The following LIMD1 variants were observed in gnomAD, a reference collection of about 807,000 sequenced individuals.
LIMD1 encodes LIM domain containing 1.
LIMD1 carries 23 observed loss-of-function variants against 58.4 expected under a neutral mutation model. The ratio of observed to expected loss-of-function variants is 0.39; its 90% CI spans 0.28 to 0.56. The LOEUF (loss-of-function observed/expected upper bound fraction) is 0.56. Among genes scored for constraint, LIMD1 ranks in the 20% least tolerant of loss-of-function variants. The pLI is 0.57. For missense variants in LIMD1, 838 were observed against 855.5 expected, an observed-to-expected ratio of 0.98 and a Z score of 0.25; for synonymous variants, 334 against 345.5, an observed-to-expected ratio of 0.97 and a Z score of 0.37.
intron 2 of LIMD1, among the ~76,000 whole-genome samples, chr3:45,649,742 A>G (rs1232578745): frequency 6.9e-6 from 1 of 145,524 alleles, no homozygotes; most frequent in Non-Finnish European, 1.5e-5. Context: ...AGATATATTT[A>G]TATATAATTA....
chr3:45,678,228 A>G lies in LIMD1; in HGVS notation c.*1169A>G, dbSNP rs1046525817. The G allele has an allele frequency of 2.0e-5, 3 of 152,646 alleles. No homozygotes were observed. Among genetic ancestry groups the G allele is most frequent in the Non-Finnish European group, 2.9e-5 (2 of 68,046 alleles). 9.5% of individuals were successfully genotyped at this position (152,646 alleles called of 1,614,324 possible). Reference sequence around the variant, plus strand: ...ACTTTCAGTCTTCCACACACAAAAAATACCTCACAGAGCTTCACCAAATCA... The same window carrying G: ...ACTTTCAGTCTTCCACACACAAAAAGTACCTCACAGAGCTTCACCAAATCA... On this transcript the variant is annotated 3_prime_UTR_variant, in exon 8 of 8. Coordinates refer to ENST00000273317, the MANE Select transcript of LIMD1 (RefSeq NM_014240.3).
At chr3:45,665,799 G>A in intron 3 of LIMD1, 82 bp downstream of exon 3, 1 of 1,179,852 alleles carries the variant, frequency 8.5e-7, no homozygotes, top group South Asian at 1.3e-5. Flanking sequence ...GGGCCAGCGT[G>A]TAGGGAAGCT....
intron 2 of LIMD1, among the ~76,000 whole-genome samples, chr3:45,653,450 C>T (rs1701994190): frequency 1.3e-5 from 2 of 152,174 alleles, no homozygotes; most frequent in Non-Finnish European, 2.9e-5. Flanking sequence ...AGGGAAGGGG[C>T]AAAGGCAAGG....
chr3:45,604,616 C>T (rs1038034377), intron 1 of LIMD1, among the ~76,000 whole-genome samples: 1 of 152,014 alleles, frequency 6.6e-6, no homozygotes, highest in African/African-American at 2.4e-5. Flanking sequence ...CTCCTTCTTC[C>T]CCGTCATCCC....
At chr3:45,608,514 T>G (rs1038442469) in intron 1 of LIMD1, among the ~76,000 whole-genome samples, 1 of 152,126 alleles carries the variant, frequency 6.6e-6, no homozygotes, top group Non-Finnish European at 1.5e-5. Flanking sequence ...ACAAAGTTTG[T>G]TTAGAAGCAA....
intron 1 of LIMD1, among the ~76,000 whole-genome samples, chr3:45,629,412 C>CAAAAAAAAAAA (rs57306025): frequency 2.1e-5 from 2 of 97,550 alleles, no homozygotes; most frequent in Non-Finnish European, 4.3e-5. Flanking sequence ...ACTCTTGTCT[C>CAAAAAAAAAAA]AAAAAAAAAA....
chr3:45,661,313 A>G (rs1043343526), intron 2 of LIMD1, among the ~76,000 whole-genome samples: 4 of 152,214 alleles, frequency 2.6e-5, no homozygotes, highest in Non-Finnish European at 5.9e-5. Flanking sequence ...TAATTTTGTC[A>G]TCATATATGT....
At chr3:45,620,008 T>C (rs1201591476) in intron 1 of LIMD1, among the ~76,000 whole-genome samples, 1 of 151,942 alleles carries the variant, frequency 6.6e-6, no homozygotes, top group Admixed American at 6.6e-5. Flanking sequence ...GTGGAGGATG[T>C]CGGATGGGGT....
intron 2 of LIMD1, among the ~76,000 whole-genome samples, chr3:45,642,469 A>G (rs1203169951): frequency 6.6e-6 from 1 of 152,202 alleles, no homozygotes; most frequent in African/African-American, 2.4e-5. Context: ...GAGCCACCAC[A>G]TCTGGCTGCT....
rs1364406157 is a variant in LIMD1, at chr3:45,678,088, T to C, written c.*1029T>C. ...GGGAGCGCCTCAGGATAAGTTATTATATTCATTTCGTTGGTTTCTCTCCTG... is the reference window on the plus strand; with the variant it reads ...GGGAGCGCCTCAGGATAAGTTATTACATTCATTTCGTTGGTTTCTCTCCTG... On this transcript the variant is annotated 3_prime_UTR_variant, in exon 8 of 8. Coordinates refer to ENST00000273317, the MANE Select transcript of LIMD1 (RefSeq NM_014240.3). The C allele has an allele frequency of 1.3e-5, 2 of 152,644 alleles. No individual in the cohort carries two copies. The highest frequency in any genetic ancestry group is 4.8e-5 in the African/African-American group (2 of 41,452). 9.5% of individuals were successfully genotyped at this position (152,644 alleles called of 1,614,324 possible).
intron 1 of LIMD1, among the ~76,000 whole-genome samples, chr3:45,631,931 C>T (rs1039806360): frequency 6.6e-6 from 1 of 152,168 alleles, no homozygotes; most frequent in Non-Finnish European, 1.5e-5. Context: ...TTTTGGTGAG[C>T]TGTCTTGCAG....
chr3:45,622,005 G>A (rs1701632247), intron 1 of LIMD1, among the ~76,000 whole-genome samples: 3 of 150,834 alleles, frequency 2.0e-5, no homozygotes, highest in South Asian at 4.2e-4. Context: ...GGAGGCTGCA[G>A]TGAGCCGAGA....
At chr3:45,597,952 A>G (rs1431835012) in intron 1 of LIMD1, among the ~76,000 whole-genome samples, 1 of 152,120 alleles carries the variant, frequency 6.6e-6, no homozygotes, top group Non-Finnish European at 1.5e-5. Flanking sequence ...TTTATGGCTT[A>G]CTTTTTTTAA....
At chr3:45,662,300 T>TGTGC (rs1553646361) in intron 2 of LIMD1, among the ~76,000 whole-genome samples, 233 of 151,632 alleles carry the variant, frequency 1.5e-3, no homozygotes, top group Non-Finnish European at 2.5e-3. Context: ...TGTGTGTGTG[T>TGTGC]GCGCGTGTAA....
At position 45,682,487 on chromosome 3, in the gene LIMD1, C is replaced by G. The variant is rs1697757402; in HGVS notation, c.*5428C>G. The stretch of plus-strand genomic sequence containing the variant: ...GCCTTGGGCATTGGGCCATGTGGGA[C>G]TGGGCAGTGGGGTATCTGGTCTGGT... On this transcript the variant is annotated 3_prime_UTR_variant, in exon 8 of 8. Coordinates refer to ENST00000273317, the MANE Select transcript of LIMD1 (RefSeq NM_014240.3). The G allele has an allele frequency of 6.6e-6, 1 of 152,444 alleles. No individual in the cohort carries two copies. The highest frequency in any genetic ancestry group is 1.5e-5 in the Non-Finnish European group (1 of 68,106). The allele number at this position is 152,444 out of a possible 1,614,324, so 9.4% of individuals were successfully genotyped here. A position where few individuals can be genotyped will look rare whatever the true frequency, so the allele number is the denominator to read the frequency against.
intron 2 of LIMD1, among the ~76,000 whole-genome samples, chr3:45,641,197 A>T (rs1325360241): frequency 6.6e-6 from 1 of 152,082 alleles, no homozygotes; most frequent in Non-Finnish European, 1.5e-5. Flanking sequence ...ACAGGGGAAG[A>T]ATTTCTCAAG....
At chr3:45,641,560 A>G (rs1701842832) in intron 2 of LIMD1, among the ~76,000 whole-genome samples, 1 of 150,988 alleles carries the variant, frequency 6.6e-6, no homozygotes, top group Non-Finnish European at 1.5e-5. Flanking sequence ...ATATGGAGGT[A>G]TCTGTTGGTA....
At position 45,595,421 on chromosome 3, in the gene LIMD1, A is replaced by T. The variant is rs750065786; in HGVS notation, c.542A>T (p.Asp181Val). ...PSCLTHGDYYDNLSLASPKWG... is the reference protein window; with the variant it reads ...PSCLTHGDYYVNLSLASPKWG... ...TGCCTCACTCATGGAGACTATTATGACAACCTCTCCTTGGCAAGCCCAAAG... is the reference window on the plus strand; with the variant it reads ...TGCCTCACTCATGGAGACTATTATGTCAACCTCTCCTTGGCAAGCCCAAAG... Residue 181 changes from aspartate to valine, a missense_variant, in exon 1 of 8, where the codon GAC becomes GTC. Asp to Val is a radical substitution (Grantham distance 152). Around this residue, in one of 3 missense-constraint regions of LIMD1, gnomAD observed 659 missense variants for 639.8 expected, o/e 1.03. Transcript: ENST00000273317. The T allele has an allele frequency of 6.2e-7, 1 of 1,614,062 alleles. No individual in the cohort carries two copies. Among genetic ancestry groups the T allele is most frequent in the South Asian group, 1.1e-5 (1 of 91,078 alleles).
chr3:45,600,743 C>A (rs1414821520), intron 1 of LIMD1, among the ~76,000 whole-genome samples: 7 of 152,336 alleles, frequency 4.6e-5, no homozygotes, highest in Admixed American at 3.3e-4. Context: ...ATCTTCCTCA[C>A]ACTGGTCCTC....
Sources: allele counts gnomAD v4.1 joint callset (sites outside exome capture counted in the v4.1 genomes callset), GRCh38; gene constraint gnomAD v4.1.1; regional missense constraint gnomAD v4.1.1; transcripts MANE v1.5; gene names NCBI Gene and HGNC (gene_info 2026-07-23, HGNC 2026-07-21).